Variants in ATP2B2 observed in about 807,000 individuals in gnomAD.
ATP2B2 encodes the protein ATPase plasma membrane Ca2+ transporting 2, also known as plasma membrane calcium-transporting ATPase 2.
In ATP2B2, 15 loss-of-function variants were observed where a neutral mutation model predicts 120.0. The observed-to-expected ratio is 0.12, with a 90% confidence interval of 0.08 to 0.19. ATP2B2 has a LOEUF of 0.19. Among genes scored for constraint, ATP2B2 ranks in the 10% least tolerant of loss-of-function variants. The pLI, the probability that ATP2B2 is intolerant of heterozygous loss-of-function variation, is 1.00. For synonymous variants in ATP2B2, 694 were observed against 700.3 expected, an observed-to-expected ratio of 0.99 and a Z score of 0.14; for missense variants, 1,045 against 1,719.8, an observed-to-expected ratio of 0.61 and a Z score of 6.94.
chr3:10,402,077 G>A lies in ATP2B2; in HGVS notation c.655+14C>T, dbSNP rs112188994. 6.2e-7 allele frequency: 1 copy of A among 1,612,862 alleles called. No homozygotes were observed. The highest frequency in any genetic ancestry group is 8.5e-7 in the Non-Finnish European group (1 of 1,180,012). On this transcript the variant is annotated intron_variant, in intron 4 of 22. Coordinates refer to ENST00000360273, the MANE Select transcript of ATP2B2 (RefSeq NM_001001331.4). This position sits in a 1 kb window ranked among gnomAD's most constrained non-coding sequence, Gnocchi z 4.9. ...TCCAGCTTTAGAACCTGGCTCTGTG[G>A]CTGGGACACTTACCATATTTGACCT...
chr3:10,360,921 C>T (rs1433404403), intron 12 of ATP2B2, among the ~76,000 whole-genome samples: 1 of 152,170 alleles, frequency 6.6e-6, no homozygotes, highest in Non-Finnish European at 1.5e-5. Flanking sequence ...CCTCTCTCTT[C>T]CCCCGACTCC....
At chr3:10,331,622 C>T (rs940179323) in intron 22 of ATP2B2, among the ~76,000 whole-genome samples, 1 of 150,330 alleles carries the variant, frequency 6.7e-6, no homozygotes, top group African/African-American at 2.5e-5. Flanking sequence ...GTCTCCACTT[C>T]GGTTCTCTCC....
intron 1 of ATP2B2, among the ~76,000 whole-genome samples, chr3:10,662,892 C>T (rs1353761136): frequency 3.9e-5 from 6 of 151,962 alleles, no homozygotes; most frequent in African/African-American, 7.3e-5. Context: ...CACATATATA[C>T]CATGGAATAC....
rs570249710 is a variant in ATP2B2, at chr3:10,338,156, C to G, written c.3420+20G>C. The G allele has an allele frequency of 1.9e-6, 3 of 1,613,578 alleles. No homozygotes were observed. The East Asian group carries it at 6.7e-5, about 36-fold the overall frequency. On this transcript the variant is annotated intron_variant, in intron 22 of 22. Coordinates refer to ENST00000360273, the MANE Select transcript of ATP2B2 (RefSeq NM_001001331.4). ...CCGCCCCGGCCAGGCCTGGGCCCAG[C>G]CCCCAAGAGCCTCCTGTACCTGTGT...
chr3:10,472,183 A>ACAGAGACCGAAGCCAGAGACCGAAGC, intron 1 of ATP2B2, among the ~76,000 whole-genome samples: 1 of 151,898 alleles, frequency 6.6e-6, no homozygotes, highest in South Asian at 2.1e-4. Context: ...AAGCCAAGAC[A>ACAGAGACCGAAGCCAGAGACCGAAGC]CAGAGACCGA....
intron 5 of ATP2B2, among the ~76,000 whole-genome samples, chr3:10,398,548 A>G (rs1262383378): frequency 6.6e-6 from 1 of 152,172 alleles, no homozygotes; most frequent in Non-Finnish European, 1.5e-5. Flanking sequence ...ACTCACTGGG[A>G]TCCCTGCTGA....
chr3:10,597,080 C>T (rs1053299019), intron 2 of ATP2B2, among the ~76,000 whole-genome samples: 7 of 150,416 alleles, frequency 4.7e-5, no homozygotes, highest in Non-Finnish European at 3.0e-5. Context: ...CACACACACA[C>T]ACACAGGCAC....
Position 10,328,060 on chromosome 3 carries a change from A to G in ATP2B2, c.*754T>C, listed in dbSNP as rs1169870538. Reference sequence around the variant, plus strand: ...GACATAAATAAGTTAAAATAGAGCAATTTAAGCGGAAACAAGGCAACATGC... The same window carrying G: ...GACATAAATAAGTTAAAATAGAGCAGTTTAAGCGGAAACAAGGCAACATGC... On this transcript the variant is annotated 3_prime_UTR_variant, in exon 23 of 23. Coordinates refer to ENST00000360273, the MANE Select transcript of ATP2B2 (RefSeq NM_001001331.4). The G allele has an allele frequency of 6.6e-6, 1 of 151,962 alleles. No homozygotes were observed. Among genetic ancestry groups the G allele is most frequent in the East Asian group, 1.9e-4 (1 of 5,196 alleles). The allele number at this position is 151,962 out of a possible 1,614,324, so 9.4% of individuals were successfully genotyped here.
In ATP2B2 at chr3:10,592,158, G is replaced by A. The variant is rs1001337380; in HGVS notation, c.-415+27759C>T. ...CCTTCTCTTCCTGCATCTTCCTAGTGCTTTCAGTATCTCTATCATCCCTGA... is the reference window on the plus strand; with the variant it reads ...CCTTCTCTTCCTGCATCTTCCTAGTACTTTCAGTATCTCTATCATCCCTGA... On this transcript the variant is annotated intron_variant, in intron 2 of 21. Transcript: ENST00000646379. Among the ~76,000 whole-genome samples the A allele has an allele frequency of 2.6e-5, 4 of 152,286 alleles. No homozygotes were observed. In the East Asian group the frequency reaches 5.8e-4, roughly 22 times the overall value.
At chr3:10,696,679 C>T (rs1020343607) in intron 1 of ATP2B2, among the ~76,000 whole-genome samples, 3 of 152,224 alleles carry the variant, frequency 2.0e-5, no homozygotes, top group Admixed American at 2.0e-4. Context: ...TTAGTCATTG[C>T]AGCTCCCCCT....
At chr3:10,560,585 C>T (rs1157337203) in intron 2 of ATP2B2, among the ~76,000 whole-genome samples, 1 of 152,176 alleles carries the variant, frequency 6.6e-6, no homozygotes, top group East Asian at 1.9e-4. Flanking sequence ...TCCCATCAGC[C>T]CCTTGCCCCA....
At chr3:10,609,005 C>T (rs1487699236) in intron 2 of ATP2B2, among the ~76,000 whole-genome samples, 2 of 152,238 alleles carry the variant, frequency 1.3e-5, no homozygotes, top group East Asian at 1.9e-4. Flanking sequence ...AACCTTCCTT[C>T]CCCGGAATTC....
chr3:10,485,441 G>A (rs759561611), intron 1 of ATP2B2, among the ~76,000 whole-genome samples: 1 of 152,168 alleles, frequency 6.6e-6, no homozygotes, highest in African/African-American at 2.4e-5. Flanking sequence ...GGGATTGCGG[G>A]AGCTCAGGGC....
chr3:10,449,502 T>C lies in ATP2B2; in HGVS notation c.42A>G (p.Gln14=), dbSNP rs1229814103. The change falls in exon 2 of 23, where the codon CAA becomes CAG. Residue 14 remains glutamine (Q), a synonymous_variant. Transcript: ENST00000360273. The part of the protein sequence containing the change: ...MTNSDFYSKN[Q]RNESSHGGEF... ...CGCCCCCATGGCTCGACTCATTTCTTTGGTTTTTGGAGTAAAAGTCGCTGT... is the reference window on the plus strand; with the variant it reads ...CGCCCCCATGGCTCGACTCATTTCTCTGGTTTTTGGAGTAAAAGTCGCTGT... The C allele has an allele frequency of 1.2e-6, 2 of 1,614,236 alleles. No homozygotes were observed. Among genetic ancestry groups the C allele is most frequent in the Non-Finnish European group, 1.7e-6 (2 of 1,180,044 alleles).
At chr3:10,394,742 T>C (rs930415265) in intron 5 of ATP2B2, among the ~76,000 whole-genome samples, 5 of 151,468 alleles carry the variant, frequency 3.3e-5, no homozygotes, top group Non-Finnish European at 5.9e-5. Flanking sequence ...CATGACCTCA[T>C]GCTGTTAGTG....
At chr3:10,544,085 G>A (rs765037581) in intron 2 of ATP2B2, among the ~76,000 whole-genome samples, 1 of 152,132 alleles carries the variant, frequency 6.6e-6, no homozygotes, top group Non-Finnish European at 1.5e-5. Context: ...CAGAAAAGAA[G>A]TTTGAGAATT....
intron 1 of ATP2B2, among the ~76,000 whole-genome samples, chr3:10,483,949 C>G (rs766300590): frequency 6.6e-6 from 1 of 152,104 alleles, no homozygotes; most frequent in African/African-American, 2.4e-5. Flanking sequence ...GGTCTCCCCT[C>G]GAGGGATTCA....
chr3:10,479,559 A>G (rs748267316), intron 1 of ATP2B2, among the ~76,000 whole-genome samples: 38 of 151,918 alleles, frequency 2.5e-4, no homozygotes, highest in Non-Finnish European at 5.1e-4. Flanking sequence ...CTAGATAAGA[A>G]CCCTTATCAC....
At chr3:10,530,493 C>T (rs552273863) in intron 3 of ATP2B2, among the ~76,000 whole-genome samples, 13 of 152,312 alleles carry the variant, frequency 8.5e-5, no homozygotes, top group East Asian at 1.9e-4. Flanking sequence ...CTGGCTCTGA[C>T]GAGTGGTTAC....
Sources: gnomAD v4.1 joint callset for allele counts (sites outside exome capture counted in the v4.1 genomes callset) on GRCh38, gnomAD v4.1.1 for gene constraint, Gnocchi (gnomAD v3.1) non-coding constraint, MANE v1.5 for transcripts, NCBI Gene and HGNC (gene_info 2026-07-23, HGNC 2026-07-21) for gene names.